SZT2: variants seen among roughly 807,000 people sequenced by gnomAD.
The protein encoded by SZT2 is KICSTOR complex protein SZT2.
In SZT2, 216 loss-of-function variants were observed where a neutral mutation model predicts 404.2. That is an observed-to-expected ratio of 0.53 (90% CI 0.48 to 0.60). The LOEUF (loss-of-function observed/expected upper bound fraction) is 0.60. SZT2 is among the 20% of genes least tolerant of loss of function. SZT2 has a pLI of 0.00. For missense variants in SZT2, 3,857 were observed against 4,459.2 expected, an observed-to-expected ratio of 0.86 and a Z score of 3.85; for synonymous variants, 1,693 against 1,749.9, an observed-to-expected ratio of 0.97 and a Z score of 0.81.
At position 43,425,461 on chromosome 1, in the gene SZT2, C is replaced by G. The variant is rs758714999; in HGVS notation, c.2646-13C>G. 6.2e-7 allele frequency: 1 copy of G among 1,614,052 alleles called. No homozygotes were observed. Among genetic ancestry groups the G allele is most frequent in the South Asian group, 1.1e-5 (1 of 91,074 alleles). On this transcript the variant is annotated splice_polypyrimidine_tract_variant and intron_variant, in intron 18 of 71. Coordinates refer to ENST00000634258, the MANE Select transcript of SZT2 (RefSeq NM_001365999.1). This position sits in a 1 kb window ranked among gnomAD's most constrained non-coding sequence, Gnocchi z 4.3. ...GAGGCTGTGCATTGGACTCAGAGCC[C>G]TTCCTCCTTTAGCTTCTCGACAGAT...
In SZT2 at chr1:43,439,923, A is replaced by G; in HGVS notation, c.7085A>G (p.Lys2362Arg). ...APRLRLDVWEKGNISIVQLEE... is the reference protein window; with the variant it reads ...APRLRLDVWERGNISIVQLEE... Reference sequence around the variant, plus strand: ...CGGCTTCGATTGGATGTGTGGGAAAAGGGGAACATTAGTATTGTGCAGCTG... The same window carrying G: ...CGGCTTCGATTGGATGTGTGGGAAAGGGGGAACATTAGTATTGTGCAGCTG... Residue 2362 changes from lysine (K) to arginine (R), a missense_variant, in exon 51 of 72, where the codon AAG (lysine) becomes AGG (arginine). Physicochemically the swap from Lys to Arg is conservative, Grantham distance 26 (BLOSUM62 2). Coordinates refer to ENST00000634258, the MANE Select transcript of SZT2 (RefSeq NM_001365999.1). This position sits in a 1 kb window ranked among gnomAD's most constrained non-coding sequence, Gnocchi z 4.2. The G allele has an allele frequency of 1.9e-6, 3 of 1,611,130 alleles. No homozygotes were observed. The highest frequency in any genetic ancestry group is 2.5e-6 in the Non-Finnish European group (3 of 1,178,424).
Position 43,452,496 on chromosome 1 carries a change from C to A in SZT2, c.*2016C>A. ...AGACACTTCAGTGATGGCTGAGGGG[C>A]AAGCCCTTTCCCAGACATCTCAGTG... On this transcript the variant is annotated 3_prime_UTR_variant, in exon 72 of 72. Coordinates refer to ENST00000634258, the MANE Select transcript of SZT2 (RefSeq NM_001365999.1). 1.4e-6 allele frequency: 1 copy of A among 692,450 alleles called. No individual in the cohort carries two copies. Among genetic ancestry groups the A allele is most frequent in the Non-Finnish European group, 2.7e-6 (1 of 373,700 alleles). The allele number at this position is 692,450 out of a possible 1,614,324, so 42.9% of individuals were successfully genotyped here.
rs745934115 is a variant in SZT2, at chr1:43,451,848, CTG to C, written c.*1370_*1371del. 7.4e-6 allele frequency: 12 copies of C among 1,614,072 alleles called. No homozygotes were observed. Among genetic ancestry groups the C allele is most frequent in the Non-Finnish European group, 1.0e-5 (12 of 1,179,982 alleles). ...CCTACCTTCTGTAAGATGGCTGCCG[CTG>C]TAAGAGAAGCCAGGGAGGGGACCGT... On this transcript the variant is annotated 3_prime_UTR_variant, in exon 72 of 72. Coordinates refer to ENST00000634258, the MANE Select transcript of SZT2 (RefSeq NM_001365999.1).
intron 2 of SZT2, 75 bp from the exon 3 acceptor site, chr1:43,403,526 G>A: frequency 6.5e-7 from 1 of 1,527,158 alleles, no homozygotes; most frequent in Admixed American, 1.8e-5. Context: ...TGTCATTTGG[G>A]ATATAGAAGG....
rs1656759372 is a variant in SZT2 at position 43,453,928 on chromosome 1, G to A, written c.*3448G>A. 2 of 1,205,880 alleles carry A rather than the reference G, an allele frequency of 1.7e-6. No individual in the cohort carries two copies. Among genetic ancestry groups the A allele is most frequent in the African/African-American group, 1.6e-5 (1 of 63,196 alleles). The allele number at this position is 1,205,880 out of a possible 1,614,324, so 74.7% of individuals were successfully genotyped here. On this transcript the variant is annotated 3_prime_UTR_variant, in exon 72 of 72. Coordinates refer to ENST00000634258, the MANE Select transcript of SZT2 (RefSeq NM_001365999.1). ...GAGCACTGTTCGTGGTTAGAAAAGC[G>A]AAGTGCTGTAAAAACCCGGGCCTTC...
chr1:43,395,082 A>T (rs1648831539), intron 1 of SZT2, among the ~76,000 whole-genome samples: 1 of 152,146 alleles, frequency 6.6e-6, no homozygotes, highest in Non-Finnish European at 1.5e-5. Flanking sequence ...ATAACCTTCA[A>T]GGAAAGGTGG....
chr1:43,425,173 C>G lies in SZT2; in HGVS notation c.2611C>G (p.Leu871Val). The G allele has an allele frequency of 6.2e-7, 1 of 1,614,210 alleles. No individual in the cohort carries two copies. The highest frequency in any genetic ancestry group is 1.7e-5 in the Admixed American group (1 of 60,028). The change falls in exon 18 of 72, where the codon CTC becomes GTC. Residue 871 changes from leucine (L) to valine (V), a missense_variant. Leu to Val is a conservative substitution (Grantham distance 32). Around this residue, in one of 7 missense-constraint regions of SZT2, gnomAD observed 1,725 missense variants for 1,881.0 expected, o/e 0.92. Transcript: ENST00000634258. The surrounding 1 kb of genome is among the most constrained non-coding windows in gnomAD (Gnocchi z 4.3). ...EKHTCVVQYILFPPHSTSTKD... is the reference protein window; with the variant it reads ...EKHTCVVQYIVFPPHSTSTKD... The stretch of plus-strand genomic sequence containing the variant: ...GCACACCTGTGTTGTCCAGTACATC[C>G]TCTTCCCCCCACACTCTACCTCCAC...
Position 43,432,192 on chromosome 1 carries a change from C to T in SZT2, c.5275-80C>T, listed in dbSNP as rs367816349. 15 of 1,406,802 alleles carry T rather than the reference C, an allele frequency of 1.1e-5. No homozygotes were observed. The East Asian group carries it at 1.4e-4, about 13-fold the overall frequency. The allele number at this position is 1,406,802 out of a possible 1,614,324, so 87.1% of individuals were successfully genotyped here. The stretch of plus-strand genomic sequence containing the variant: ...ATCTGCTTTACCAGGTAGTTAGGAG[C>T]GTCTCATGAGGAAGTGTAGCTCACC... On this transcript the variant is annotated intron_variant, in intron 36 of 71. Coordinates refer to ENST00000634258, the MANE Select transcript of SZT2 (RefSeq NM_001365999.1).
In SZT2 at chr1:43,453,074, C is replaced by T. The variant is rs938191563; in HGVS notation, c.*2594C>T. 9 of 897,524 alleles carry T rather than the reference C, an allele frequency of 1.0e-5. No individual in the cohort carries two copies. Among genetic ancestry groups the T allele is most frequent in the Non-Finnish European group, 1.6e-5 (9 of 548,938 alleles). The allele number at this position is 897,524 out of a possible 1,614,324, so 55.6% of individuals were successfully genotyped here. A position where few individuals can be genotyped will look rare whatever the true frequency, so the allele number is the denominator to read the frequency against. ...GATCCAGACAGGGTTAGGTGCCTACCCTGCTCCCACAGCTTCCTGGAATAG... is the reference window on the plus strand; with the variant it reads ...GATCCAGACAGGGTTAGGTGCCTACTCTGCTCCCACAGCTTCCTGGAATAG... On this transcript the variant is annotated 3_prime_UTR_variant, in exon 72 of 72. Transcript: ENST00000634258.
Position 43,443,230 on chromosome 1 carries a change from G to A in SZT2, c.8462G>A (p.Trp2821Ter). The A allele has an allele frequency of 1.9e-6, 3 of 1,614,176 alleles. No individual in the cohort carries two copies. The highest frequency in any genetic ancestry group is 2.5e-6 in the Non-Finnish European group (3 of 1,180,024). ...QMKMENLFVTWQQRSTPATMP... is the reference protein window; with the variant it reads ...QMKMENLFVT ...AAGATGGAAAACCTGTTTGTAACCT[G>A]GCAGCAGCGTTCTACCCCAGCCACC... is the stretch of plus-strand genomic sequence containing the variant. Residue 2821 changes from tryptophan (W) to a stop codon, truncating the protein, a stop_gained, in exon 60 of 72, where the codon TGG (tryptophan) becomes TAG (stop). Coordinates refer to ENST00000634258, the MANE Select transcript of SZT2 (RefSeq NM_001365999.1). LOFTEE classifies it high-confidence loss of function.
At chr1:43,391,206 C>T (rs367936541) in intron 1 of SZT2, among the ~76,000 whole-genome samples, 6 of 151,838 alleles carry the variant, frequency 4.0e-5, no homozygotes, top group East Asian at 1.9e-4. Flanking sequence ...CTCAGCTACT[C>T]GGGAGGCTGA....
At position 43,439,015 on chromosome 1, in the gene SZT2, A is replaced by G; in HGVS notation, c.6714A>G (p.Ala2238=). Residue 2238 remains alanine (A), a synonymous_variant, in exon 48 of 72, where the codon GCA becomes GCG. Coordinates refer to ENST00000634258, the MANE Select transcript of SZT2 (RefSeq NM_001365999.1). This position sits in a 1 kb window ranked among gnomAD's most constrained non-coding sequence, Gnocchi z 4.2. ...GCAGGCCCTGGCTTCCAGCCCTGGC[A>G]TGGTACCTACGGCAGAACTTGCTCA... is the stretch of plus-strand genomic sequence containing the variant. ...TSCRPWLPAL[A]WYLRQNLLIF... 1 of 1,614,174 alleles carries G rather than the reference A, an allele frequency of 6.2e-7. No homozygotes were observed. Among genetic ancestry groups the G allele is most frequent in the Non-Finnish European group, 8.5e-7 (1 of 1,180,028 alleles).
Position 43,451,776 on chromosome 1 carries a change from C to T in SZT2, c.*1296C>T, listed in dbSNP as rs41270369. On this transcript the variant is annotated 3_prime_UTR_variant, in exon 72 of 72. Coordinates refer to ENST00000634258, the MANE Select transcript of SZT2 (RefSeq NM_001365999.1). ...CAGGCCCCGCCCTCCTTCCGATCTG[C>T]GAAGTACCCCCTTCCACTTACCATT... is the stretch of plus-strand genomic sequence containing the variant. 1.3e-4 allele frequency: 213 copies of T among 1,614,046 alleles called. No individual in the cohort carries two copies. The highest frequency in any genetic ancestry group is 4.9e-4 in the Middle Eastern group (3 of 6,062).
In SZT2 at chr1:43,452,080, G is replaced by A; in HGVS notation, c.*1600G>A. ...GTTTGTCCCCCATCAGTCAGTCACT[G>A]GTCAAGGCCCTCACCTGTTCCTCTG... On this transcript the variant is annotated 3_prime_UTR_variant, in exon 72 of 72. Coordinates refer to ENST00000634258, the MANE Select transcript of SZT2 (RefSeq NM_001365999.1). 1 of 1,538,940 alleles carries A rather than the reference G, an allele frequency of 6.5e-7. No homozygotes were observed. Among genetic ancestry groups the A allele is most frequent in the Non-Finnish European group, 8.9e-7 (1 of 1,121,944 alleles).
chr1:43,453,895 G>C lies in SZT2; in HGVS notation c.*3415G>C. ...GCGGGGCTCTCCTTGCTGGCCCTGC[G>C]AACGAACGAGCACTGTTCGTGGTTA... is the stretch of plus-strand genomic sequence containing the variant. On this transcript the variant is annotated 3_prime_UTR_variant, in exon 72 of 72. Coordinates refer to ENST00000634258, the MANE Select transcript of SZT2 (RefSeq NM_001365999.1). The C allele has an allele frequency of 8.2e-7, 1 of 1,223,868 alleles. No homozygotes were observed. The highest frequency in any genetic ancestry group is 1.0e-6 in the Non-Finnish European group (1 of 983,804). The allele number at this position is 1,223,868 out of a possible 1,614,324, so 75.8% of individuals were successfully genotyped here.
chr1:43,452,423 A>G lies in SZT2; in HGVS notation c.*1943A>G. 2.3e-6 allele frequency: 2 copies of G among 881,438 alleles called. 1 individual carries two copies. The highest frequency in any genetic ancestry group is 4.0e-5 in the Admixed American group (2 of 50,200). The allele number at this position is 881,438 out of a possible 1,614,324, so 54.6% of individuals were successfully genotyped here. A position where few individuals can be genotyped will look rare whatever the true frequency, so the allele number is the denominator to read the frequency against. Reference sequence around the variant, plus strand: ...CCCTCGTCCGTCTCCCCAGGTCTCCAGTCCATGGCACCTGGGTCACGATGC... The same window carrying G: ...CCCTCGTCCGTCTCCCCAGGTCTCCGGTCCATGGCACCTGGGTCACGATGC... On this transcript the variant is annotated 3_prime_UTR_variant, in exon 72 of 72. Transcript: ENST00000634258.
chr1:43,432,768 C>T lies in SZT2; in HGVS notation c.5571C>T (p.Ser1857=). 1.2e-6 allele frequency: 2 copies of T among 1,613,910 alleles called. No individual in the cohort carries two copies. Among genetic ancestry groups the T allele is most frequent in the African/African-American group, 1.3e-5 (1 of 75,028 alleles). Residue 1857 remains serine, a synonymous_variant, in exon 39 of 72, where the codon TCC becomes TCT. Coordinates refer to ENST00000634258, the MANE Select transcript of SZT2 (RefSeq NM_001365999.1). ...CCAGCCGGGGATTAAGTCTCATGTC[C>T]AGTCAGGGCAGTGTGGACTCAGACC... ...PGPSRGLSLM[S]SQGSVDSDHL... is the part of the protein sequence containing the mutation.
At position 43,431,749 on chromosome 1, in the gene SZT2, G is replaced by T. The variant is rs1406137056; in HGVS notation, c.5122G>T (p.Ala1708Ser). Residue 1708 changes from alanine (A) to serine (S), a missense_variant, in exon 36 of 72, where the codon GCA becomes TCA. Physicochemically the swap from Ala to Ser is moderately conservative, Grantham distance 99 (BLOSUM62 1). Transcript: ENST00000634258. Reference protein sequence around the residue: ...RWLLEDEMVGALRRGGIPQSP... With the variant: ...RWLLEDEMVGSLRRGGIPQSP... ...GTTGTTGGAAGATGAGATGGTGGGG[G>T]CACTCCGAAGAGGGGGCATCCCACA... 3 of 1,614,094 alleles carry T rather than the reference G, an allele frequency of 1.9e-6. No homozygotes were observed. Among genetic ancestry groups the T allele is most frequent in the Admixed American group, 3.3e-5 (2 of 60,012 alleles).
intron 29 of SZT2, 39 bp from the exon 30 acceptor site, chr1:43,429,972 G>A (rs986439478): frequency 1.2e-6 from 2 of 1,613,300 alleles, no homozygotes; most frequent in Middle Eastern, 1.6e-4. Context: ...CTGTTGAGGG[G>A]TGACTGACAT....
Sources: gnomAD v4.1 joint callset for allele counts (sites outside exome capture counted in the v4.1 genomes callset) on GRCh38, gnomAD v4.1.1 for gene constraint, gnomAD v4.1.1 regional missense constraint, Gnocchi (gnomAD v3.1) non-coding constraint, MANE v1.5 for transcripts, NCBI Gene and HGNC (gene_info 2026-07-23, HGNC 2026-07-21) for gene names.